The following IHO1 variants were observed in gnomAD, a reference collection of about 807,000 sequenced individuals.
The protein encoded by IHO1 is interactor of HORMAD1 protein 1.
Under a neutral mutation model 31.0 loss-of-function variants are expected in IHO1, and 13 were observed. The observed-to-expected ratio is 0.42, with a 90% CI of 0.27 to 0.67. IHO1 has a LOEUF of 0.67. Among genes scored for constraint, IHO1 ranks in the 30% least tolerant of loss-of-function variants. The pLI is 0.24. For missense variants in IHO1, 599 were observed against 687.5 expected (o/e 0.87, Z 1.44); for synonymous variants, 221 against 248.4 (o/e 0.89, Z 1.04).
chr3:49,195,867 C>A (rs1304054821), upstream of IHO1, among the ~76,000 whole-genome samples: 9 of 150,738 alleles, frequency 6.0e-5, no homozygotes, highest in East Asian at 1.8e-3. Context: ...TTTGGGAGGC[C>A]AAGGTGGGCG....
At position 49,256,077 on chromosome 3, in the gene IHO1, T is replaced by C. The variant is rs77548156; in HGVS notation, c.637-57T>C. 17,992 of 1,427,792 alleles carry C rather than the reference T, an allele frequency of 0.013. 156 individuals are homozygous for C. Among genetic ancestry groups the C allele is most frequent in the Non-Finnish European group, 0.015 (15,796 of 1,044,406 alleles). The allele number at this position is 1,427,792 out of a possible 1,614,324, so 88.4% of individuals were successfully genotyped here. On this transcript the variant is annotated intron_variant, in intron 7 of 7. Transcript: ENST00000452691. The surrounding 1 kb of genome is among the most constrained non-coding windows in gnomAD (Gnocchi z 4.6). ...TCCATTGGTCTGTTCTCATGTTTTATTGTGCTTTCTGACTTGCACTGTCCA... is the reference window on the plus strand; with the variant it reads ...TCCATTGGTCTGTTCTCATGTTTTACTGTGCTTTCTGACTTGCACTGTCCA...
intron 4 of IHO1, among the ~76,000 whole-genome samples, chr3:49,244,106 C>G (rs1410153664): frequency 6.6e-6 from 1 of 151,984 alleles, no homozygotes; most frequent in Non-Finnish European, 1.5e-5. Flanking sequence ...AGGTGCCCAC[C>G]ACCACGCCTG....
intron 1 of IHO1, among the ~76,000 whole-genome samples, chr3:49,210,094 T>C (rs919089329): frequency 1.3e-5 from 2 of 150,980 alleles, no homozygotes; most frequent in Non-Finnish European, 2.9e-5. Flanking sequence ...AGTGGTGGGA[T>C]CACAGTTTAC....
chr3:49,219,610 C>A (rs2046328052), intron 2 of IHO1, among the ~76,000 whole-genome samples: 1 of 152,106 alleles, frequency 6.6e-6, no homozygotes, highest in African/African-American at 2.4e-5. Context: ...TCTTCTAGTG[C>A]CGCTGGGTTA....
At chr3:49,244,763 G>C (rs1269307395) in intron 6 of IHO1, 30 bp downstream of exon 6, 1 of 1,559,880 alleles carries the variant, frequency 6.4e-7, no homozygotes, top group Non-Finnish European at 8.8e-7. Context: ...GGTATCAGCA[G>C]AGGGCACTGG....
At chr3:49,223,705 C>T (rs2046383384) in intron 2 of IHO1, among the ~76,000 whole-genome samples, 2 of 151,928 alleles carry the variant, frequency 1.3e-5, no homozygotes, top group Admixed American at 1.3e-4. Flanking sequence ...AAAAAAAAGC[C>T]GGACCATTGT....
chr3:49,196,916 C>T (rs771132149), upstream of IHO1, among the ~76,000 whole-genome samples: 62 of 151,134 alleles, frequency 4.1e-4, no homozygotes, highest in Non-Finnish European at 5.5e-4. Context: ...GTGATCTGCC[C>T]GCCTCGGCCT....
chr3:49,235,929 CAAAAAAAAAA>C (rs35209519), intron 2 of IHO1, among the ~76,000 whole-genome samples: 1 of 114,232 alleles, frequency 8.8e-6, no homozygotes, highest in Non-Finnish European at 1.8e-5. Context: ...GACTCTGTCT[CAAAAAAAAAA>C]AAAAAAAGAT....
upstream of IHO1, among the ~76,000 whole-genome samples, chr3:49,196,230 A>C (rs984372278): frequency 3.5e-5 from 5 of 141,274 alleles, no homozygotes; most frequent in South Asian, 2.2e-4. Flanking sequence ...CTCCGTCACA[A>C]AAAAAAAAAA....
chr3:49,208,168 C>T lies in IHO1; in HGVS notation c.-15-3598C>T, dbSNP rs564473292. Among the ~76,000 whole-genome samples, 4 of 152,328 alleles carry T rather than the reference C, an allele frequency of 2.6e-5. No homozygotes were observed. In the South Asian group the frequency reaches 8.3e-4, roughly 32 times the overall value. On this transcript the variant is annotated intron_variant, in intron 1 of 7. Coordinates refer to ENST00000452691, the MANE Select transcript of IHO1 (RefSeq NM_001135197.2). ...CTTTTCTGTGTGTTCTTGCTCTGCACACAGTTATTTCTTTCTGCCACTGTG... is the reference window on the plus strand; with the variant it reads ...CTTTTCTGTGTGTTCTTGCTCTGCATACAGTTATTTCTTTCTGCCACTGTG...
At position 49,244,389 on chromosome 3, in the gene IHO1, T is replaced by C; in HGVS notation, c.396-15T>C. 6.8e-7 allele frequency: 1 copy of C among 1,475,650 alleles called. No homozygotes were observed. Among genetic ancestry groups the C allele is most frequent in the Non-Finnish European group, 9.4e-7 (1 of 1,061,448 alleles). The allele number at this position is 1,475,650 out of a possible 1,614,324, so 91.4% of individuals were successfully genotyped here. On this transcript the variant is annotated splice_polypyrimidine_tract_variant and intron_variant, in intron 4 of 7. Transcript: ENST00000452691. Reference sequence around the variant, plus strand: ...TTTCATAAAGATTTGTTTTCTTTTTTCCCTCCTATTCTAGTGAGACTCTAT... The same window carrying C: ...TTTCATAAAGATTTGTTTTCTTTTTCCCCTCCTATTCTAGTGAGACTCTAT...
intron 6 of IHO1, among the ~76,000 whole-genome samples, chr3:49,250,816 G>T (rs1260651419): frequency 6.6e-6 from 1 of 152,092 alleles, no homozygotes; most frequent in African/African-American, 2.4e-5. Flanking sequence ...CAGATCACAA[G>T]ATCAGAAGTA....
upstream of IHO1, among the ~76,000 whole-genome samples, chr3:49,194,292 G>A (rs1318758399): frequency 8.3e-6 from 1 of 120,170 alleles, no homozygotes; most frequent in East Asian, 2.6e-4. Flanking sequence ...AGTACAAAGT[G>A]TATATATATA....
At chr3:49,216,036 AAGT>A (rs2046282381) in intron 2 of IHO1, among the ~76,000 whole-genome samples, 1 of 152,192 alleles carries the variant, frequency 6.6e-6, no homozygotes, top group Admixed American at 6.5e-5. Flanking sequence ...AAATAGAAAC[AAGT>A]AGTATTAATA....
In IHO1 at chr3:49,256,295, G is replaced by A. The variant is rs1244805007; in HGVS notation, c.798G>A (p.Val266=). ...ELKRLISVPP[V]KDSASQTSPP... ...AGAGATTGATCTCAGTGCCTCCAGT[G>A]AAAGACAGTGCTTCTCAGACGTCGC... Residue 266 remains valine (V), a synonymous_variant, in exon 8 of 8, where the codon GTG becomes GTA. Transcript: ENST00000452691. This position sits in a 1 kb window ranked among gnomAD's most constrained non-coding sequence, Gnocchi z 4.6. The A allele has an allele frequency of 1.9e-6, 3 of 1,614,146 alleles. No homozygotes were observed. The highest frequency in any genetic ancestry group is 2.5e-6 in the Non-Finnish European group (3 of 1,180,040).
intron 6 of IHO1, chr3:49,245,780 C>A (rs1465825429): frequency 6.6e-6 from 1 of 152,152 alleles, no homozygotes; most frequent in Non-Finnish European, 1.5e-5. Flanking sequence ...AAAATTAATG[C>A]CTTTTTGTGG....
chr3:49,212,651 A>G (rs1332065459), intron 2 of IHO1, among the ~76,000 whole-genome samples: 1 of 152,110 alleles, frequency 6.6e-6, no homozygotes, highest in Admixed American at 6.6e-5. Flanking sequence ...TACAGTTCTT[A>G]AAAGCGGCAT....
chr3:49,191,905 G>T, the IHO1 span: 1 of 824,928 alleles, frequency 1.2e-6, no homozygotes, highest in Non-Finnish European at 2.0e-6. Flanking sequence ...CAATGCTGCT[G>T]CTGTTTGTTG....
At chr3:49,197,880 C>CAAA (rs553923060), upstream of IHO1, among the ~76,000 whole-genome samples, 1 of 111,374 alleles carries the variant, frequency 9.0e-6, no homozygotes, top group Non-Finnish European at 1.9e-5. Context: ...AACTCCATCT[C>CAAA]AAAAAAAAAA....
Sources: gnomAD v4.1 joint callset for allele counts (sites outside exome capture counted in the v4.1 genomes callset) on GRCh38, gnomAD v4.1.1 for gene constraint, Gnocchi (gnomAD v3.1) non-coding constraint, MANE v1.5 for transcripts, NCBI Gene and HGNC (gene_info 2026-07-23, HGNC 2026-07-21) for gene names.